Variants in DRC8 observed in about 807,000 individuals in gnomAD.
The protein encoded by DRC8 is dynein regulatory complex subunit 8, also known as dynein regulatory complex protein 8.
At chr1:245,061,489 A>G in the DRC8 span, among the ~76,000 whole-genome samples, 2 of 152,154 alleles carry the variant, frequency 1.3e-5, no homozygotes, top group Admixed American at 6.6e-5. Context: ...CTCTGTAAAT[A>G]TTTTTCTATA....
At chr1:245,034,975 A>C in the DRC8 span, among the ~76,000 whole-genome samples, 1 of 152,226 alleles carries the variant, frequency 6.6e-6, no homozygotes, top group Admixed American at 6.5e-5. Flanking sequence ...AACATAGGAA[A>C]ATTTCAAATC....
At chr1:245,084,715 T>C in the DRC8 span, among the ~76,000 whole-genome samples, 1 of 152,188 alleles carries the variant, frequency 6.6e-6, no homozygotes, top group Non-Finnish European at 1.5e-5. Context: ...GGGTCCTGAA[T>C]GACTCAGAGT....
At chr1:245,024,573 A>G in the DRC8 span, among the ~76,000 whole-genome samples, 4 of 146,080 alleles carry the variant, frequency 2.7e-5, no homozygotes, top group African/African-American at 1.0e-4. Flanking sequence ...TTTGAGACAG[A>G]GTCTCGCTCT....
chr1:245,121,367 T>C, the DRC8 span, among the ~76,000 whole-genome samples: 1 of 152,352 alleles, frequency 6.6e-6, no homozygotes, highest in Admixed American at 6.5e-5. Context: ...CAGATGCAGC[T>C]TGATCCAGGG....
At chr1:244,982,545 TC>T in the DRC8 span, among the ~76,000 whole-genome samples, 6 of 152,010 alleles carry the variant, frequency 3.9e-5, no homozygotes, top group Non-Finnish European at 8.8e-5. Flanking sequence ...GTGCCTGTAG[TC>T]CCAGCTACTT....
the DRC8 span, among the ~76,000 whole-genome samples, chr1:245,048,251 T>G: frequency 6.6e-6 from 1 of 152,228 alleles, no homozygotes. Context: ...TCTCAACTTT[T>G]ACTTCAGGAA....
At chr1:245,081,876 C>T in the DRC8 span, among the ~76,000 whole-genome samples, 1 of 152,104 alleles carries the variant, frequency 6.6e-6, no homozygotes, top group Non-Finnish European at 1.5e-5. Flanking sequence ...TGTCTGTCTC[C>T]CTGATCAGAG....
the DRC8 span, among the ~76,000 whole-genome samples, chr1:245,051,488 A>G: frequency 6.6e-6 from 1 of 152,028 alleles, no homozygotes; most frequent in Admixed American, 6.6e-5. Context: ...GGAGAAAGGG[A>G]AGTGGAGATG....
At chr1:244,970,626 C>A in the DRC8 span, 1 of 538,632 alleles carries the variant, frequency 1.9e-6, no homozygotes, top group Non-Finnish European at 2.9e-6. Context: ...CGTAGCCCGC[C>A]CGGCCCGCCG....
chr1:245,065,288 A>G, the DRC8 span, among the ~76,000 whole-genome samples: 1 of 151,812 alleles, frequency 6.6e-6, no homozygotes, highest in Non-Finnish European at 1.5e-5. Flanking sequence ...CCTGACCTCA[A>G]GTGATCTGCC....
the DRC8 span, among the ~76,000 whole-genome samples, chr1:245,102,647 G>A: frequency 6.6e-6 from 1 of 152,214 alleles, no homozygotes. Context: ...ACTGCACCCG[G>A]CCACTTTTAA....
chr1:244,981,884 C>T, the DRC8 span, among the ~76,000 whole-genome samples: 11 of 152,110 alleles, frequency 7.2e-5, no homozygotes, highest in African/African-American at 2.4e-4. Flanking sequence ...TTTCAGTGGC[C>T]GCTAGTCTGG....
chr1:245,100,002 A>T, the DRC8 span, among the ~76,000 whole-genome samples: 145 of 152,230 alleles, frequency 9.5e-4, no homozygotes, highest in Non-Finnish European at 1.7e-3. Flanking sequence ...TATTTTATTC[A>T]TAATTTTTTT....
At chr1:245,051,345 C>T in the DRC8 span, among the ~76,000 whole-genome samples, 1,657 of 152,184 alleles carry the variant, frequency 0.011, 34 homozygotes, top group African/African-American at 0.037. Context: ...TGAGTGTGAT[C>T]GTGCCACTTC....
the DRC8 span, among the ~76,000 whole-genome samples, chr1:245,072,662 C>T: frequency 6.6e-6 from 1 of 152,178 alleles, no homozygotes; most frequent in Non-Finnish European, 1.5e-5. Context: ...GAATATTTGT[C>T]CCCGCCCAAA....
the DRC8 span, chr1:244,970,450 T>A: frequency 1.3e-6 from 2 of 1,527,032 alleles, no homozygotes; most frequent in Non-Finnish European, 1.7e-6. Flanking sequence ...GAAGGTAAGG[T>A]AGGGGAGCCG....
the DRC8 span, among the ~76,000 whole-genome samples, chr1:245,034,074 G>C: frequency 6.6e-6 from 1 of 152,066 alleles, no homozygotes; most frequent in African/African-American, 2.4e-5. Context: ...TCTGCTTTGG[G>C]ACGATTATCT....
chr1:245,119,637 TAA>T, the DRC8 span, among the ~76,000 whole-genome samples: 2 of 134,970 alleles, frequency 1.5e-5, no homozygotes, highest in African/African-American at 2.8e-5. Flanking sequence ...AGACCCTGTC[TAA>T]AAAAAAAAAG....
At chr1:245,114,233 G>C in the DRC8 span, among the ~76,000 whole-genome samples, 2 of 152,070 alleles carry the variant, frequency 1.3e-5, no homozygotes, top group Non-Finnish European at 2.9e-5. Context: ...GGGAGGCCGA[G>C]GCAGGCGGGT....
Sources: allele counts gnomAD v4.1 joint callset (sites outside exome capture counted in the v4.1 genomes callset), GRCh38; gene constraint gnomAD v4.1.1; transcripts MANE v1.5; gene names NCBI Gene and HGNC (gene_info 2026-07-23, HGNC 2026-07-21).